PADI6: variants seen among roughly 807,000 people sequenced by gnomAD.
The protein encoded by PADI6 is peptidyl arginine deiminase 6, also known as inactive protein-arginine deiminase type-6.
A neutral mutation model predicts 78.2 loss-of-function variants in PADI6; 66 were observed. The ratio of observed to expected loss-of-function variants is 0.84; its 90% CI spans 0.69 to 1.04. The LOEUF is 1.04. Ranked by LOEUF, PADI6 falls within the 50% of genes least tolerant of loss-of-function variation. The pLI, the probability that PADI6 is intolerant of heterozygous loss-of-function variation, is 0.00. For missense variants in PADI6, 854 were observed against 866.1 expected (o/e 0.99, Z 0.18); for synonymous variants, 397 against 346.9 (o/e 1.14, Z -1.60).
Position 17,381,071 on chromosome 1 carries a change from G to A in PADI6, c.460G>A (p.Gly154Ser), listed in dbSNP as rs554589586. Residue 154 changes from glycine (G) to serine (S), a missense_variant, in exon 5 of 16, where the codon GGT (glycine) becomes AGT (serine). Gly to Ser is a moderately conservative substitution (Grantham distance 56, BLOSUM62 0). Coordinates refer to ENST00000619609, the MANE Select transcript of PADI6 (RefSeq NM_207421.4). ...GAAAAAATGGATCTGGGGTCCCAGCGGTTGGGGTGCCATCCTGCTTGTGAA... is the reference window on the plus strand; with the variant it reads ...GAAAAAATGGATCTGGGGTCCCAGCAGTTGGGGTGCCATCCTGCTTGTGAA... ...AKKKWIWGPSGWGAILLVNCN... is the reference protein window; with the variant it reads ...AKKKWIWGPSSWGAILLVNCN... 5.6e-6 allele frequency: 9 copies of A among 1,606,016 alleles called. No individual in the cohort carries two copies. The highest frequency in any genetic ancestry group is 1.3e-5 in the African/African-American group (1 of 74,918).
At chr1:17,378,606 G>GTT (rs1280082795) in intron 3 of PADI6, among the ~76,000 whole-genome samples, 2 of 152,014 alleles carry the variant, frequency 1.3e-5, no homozygotes, top group Non-Finnish European at 2.9e-5. Context: ...GTGTTTTTTT[G>GTT]TTTGTTTTTG....
intron 9 of PADI6, 54 bp from the exon 10 acceptor site, chr1:17,393,921 G>A: frequency 6.6e-7 from 1 of 1,512,454 alleles, no homozygotes; most frequent in Non-Finnish European, 9.2e-7. Context: ...TTCCGTAAAT[G>A]GGGTCCGGGG....
At chr1:17,376,575 T>A (rs899520268) in intron 3 of PADI6, among the ~76,000 whole-genome samples, 6 of 151,794 alleles carry the variant, frequency 4.0e-5, no homozygotes, top group Admixed American at 2.0e-4. Flanking sequence ...TTTTTTTGTA[T>A]TTTTAGTGGA....
At chr1:17,373,505 T>A (rs1557594340) in intron 2 of PADI6, among the ~76,000 whole-genome samples, 1 of 84,108 alleles carries the variant, frequency 1.2e-5, no homozygotes, top group East Asian at 3.9e-4. Context: ...TTATTATTAT[T>A]TTTTTTTTTG....
At chr1:17,388,010 G>C (rs1194244847) in intron 6 of PADI6, among the ~76,000 whole-genome samples, 4 of 152,204 alleles carry the variant, frequency 2.6e-5, no homozygotes, top group African/African-American at 9.6e-5. Flanking sequence ...GCCTGGGACA[G>C]TTTCTCACCT....
At chr1:17,381,258 C>G (rs191416264) in intron 5 of PADI6, 94 bp downstream of exon 5, 5 of 972,388 alleles carry the variant, frequency 5.1e-6, no homozygotes, top group African/African-American at 1.6e-5. Context: ...CTCCACCCCA[C>G]CCCCGACACC....
intron 15 of PADI6, among the ~76,000 whole-genome samples, chr1:17,399,149 C>T (rs998235937): frequency 6.6e-6 from 1 of 152,180 alleles, no homozygotes; most frequent in African/African-American, 2.4e-5. Flanking sequence ...GTGAGGCCCA[C>T]TTCGGATGGG....
intron 5 of PADI6, 130 bp downstream of exon 5, chr1:17,381,294 C>A: frequency 2.8e-6 from 2 of 722,816 alleles, no homozygotes; most frequent in Non-Finnish European, 4.6e-6. Context: ...CATGCCTGGG[C>A]TGATCAAACC....
intron 6 of PADI6, among the ~76,000 whole-genome samples, chr1:17,384,935 C>T (rs371150221): frequency 2.4e-4 from 36 of 152,194 alleles, no homozygotes; most frequent in Non-Finnish European, 4.7e-4. Context: ...GGGGCCAGCA[C>T]GCAGTCGAGC....
intron 1 of PADI6, 75 bp downstream of exon 1, chr1:17,372,436 G>A: frequency 1.5e-6 from 2 of 1,352,766 alleles, no homozygotes; most frequent in South Asian, 1.2e-5. Flanking sequence ...CCCTTGATCT[G>A]GGAGTTGGGG....
At chr1:17,398,912 C>T in intron 15 of PADI6, 65 bp downstream of exon 15, 2 of 1,535,522 alleles carry the variant, frequency 1.3e-6, no homozygotes, top group Non-Finnish European at 1.8e-6. Flanking sequence ...GCTGCCACCT[C>T]ACTGTGCTGG....
In PADI6 at chr1:17,394,968, T is replaced by G; in HGVS notation, c.1355T>G (p.Met452Arg). ...SFYPSAEGRAMSKTLRDFLYA... is the reference protein window; with the variant it reads ...SFYPSAEGRARSKTLRDFLYA... ...CCTTCTAGCGCAGAGGGCCGGGCCA[T>G]GAGTAAGACCCTCCGAGACTTCCTC... Residue 452 changes from methionine (M) to arginine (R), a missense_variant, in exon 12 of 16, where the codon ATG becomes AGG. Coordinates refer to ENST00000619609, the MANE Select transcript of PADI6 (RefSeq NM_207421.4). 6.2e-7 allele frequency: 1 copy of G among 1,612,372 alleles called. No homozygotes were observed. The highest frequency in any genetic ancestry group is 1.3e-5 in the African/African-American group (1 of 74,992).
intron 3 of PADI6, among the ~76,000 whole-genome samples, chr1:17,376,800 G>A (rs1053417006): frequency 3.3e-5 from 5 of 152,246 alleles, no homozygotes; most frequent in African/African-American, 7.2e-5. Context: ...TACCACCAAC[G>A]GAGTTCTTTT....
intron 14 of PADI6, among the ~76,000 whole-genome samples, chr1:17,398,428 T>A (rs1168393415): frequency 6.6e-6 from 1 of 152,116 alleles, no homozygotes; most frequent in South Asian, 2.1e-4. Context: ...GGTTGAGAAG[T>A]GCCAGACGCT....
At chr1:17,389,578 C>T (rs888318902) in intron 8 of PADI6, among the ~76,000 whole-genome samples, 1 of 152,212 alleles carries the variant, frequency 6.6e-6, no homozygotes. Flanking sequence ...CCACTTCTCA[C>T]ATGCCAAAAT....
At chr1:17,372,391 GCAGGCAGA>G (rs755415919) in intron 1 of PADI6, 30 bp downstream of exon 1, 14 of 1,602,594 alleles carry the variant, frequency 8.7e-6, no homozygotes, top group South Asian at 4.4e-5. Context: ...GCCAGAGGTG[GCAGGCAGA>G]CAGGCAGGCA....
At chr1:17,390,462 G>A (rs1172589745) in intron 8 of PADI6, among the ~76,000 whole-genome samples, 1 of 151,878 alleles carries the variant, frequency 6.6e-6, no homozygotes, top group Non-Finnish European at 1.5e-5. Flanking sequence ...CAATTAGCCA[G>A]GCATGGTGGT....
chr1:17,381,829 C>G, intron 5 of PADI6, 138 bp from the exon 6 acceptor site: 1 of 949,990 alleles, frequency 1.1e-6, no homozygotes, highest in South Asian at 1.5e-5. Flanking sequence ...GGTAATTCTT[C>G]GGGCCTGGGC....
intron 14 of PADI6, 28 bp from the exon 15 acceptor site, chr1:17,398,654 GCCCC>G (rs397957287): frequency 0.013 from 2,367 of 177,708 alleles, 52 homozygotes; most frequent in African/African-American, 0.071. Context: ...TTGCTCCCCC[GCCCC>G]CCCCCCCACC....
Sources: gnomAD v4.1 joint callset for allele counts (sites outside exome capture counted in the v4.1 genomes callset) on GRCh38, gnomAD v4.1.1 for gene constraint, MANE v1.5 for transcripts, NCBI Gene and HGNC (gene_info 2026-07-23, HGNC 2026-07-21) for gene names.